RALYL: variants seen among roughly 807,000 people sequenced by gnomAD.
The protein encoded by RALYL is RALY RNA binding protein like.
RALYL carries 29 observed loss-of-function variants against 35.1 expected under a neutral mutation model. The ratio of observed to expected loss-of-function variants is 0.83; its 90% CI spans 0.61 to 1.13. RALYL has a LOEUF of 1.13. Among genes scored for constraint, RALYL ranks in the 50% most tolerant of loss-of-function variants. RALYL has a pLI of 0.00. For missense variants in RALYL, 359 were observed against 360.4 expected, an observed-to-expected ratio of 1.00 and a Z score of 0.03; for synonymous variants, 120 against 127.6, an observed-to-expected ratio of 0.94 and a Z score of 0.40.
chr8:84,650,094 G>A (rs1223548671), intron 2 of RALYL, among the ~76,000 whole-genome samples: 1 of 152,052 alleles, frequency 6.6e-6, no homozygotes, highest in Non-Finnish European at 1.5e-5. Context: ...TCTGTTATTG[G>A]TGTATAAGAG....
intron 4 of RALYL, among the ~76,000 whole-genome samples, chr8:84,847,593 T>A (rs1834937456): frequency 6.6e-6 from 1 of 152,142 alleles, no homozygotes; most frequent in Admixed American, 6.5e-5. Flanking sequence ...TAGGTGGGCT[T>A]TAGCATCCCT....
intron 1 of RALYL, among the ~76,000 whole-genome samples, chr8:84,410,363 G>A (rs191102488): frequency 1.6e-4 from 24 of 151,636 alleles, no homozygotes; most frequent in African/African-American, 5.6e-4. Context: ...CTGTAAAATG[G>A]GATTCATTAT....
chr8:84,190,448 A>G (rs751874235), intron 1 of RALYL, among the ~76,000 whole-genome samples: 2 of 152,248 alleles, frequency 1.3e-5, no homozygotes, highest in Admixed American at 6.5e-5. Flanking sequence ...AATGGGAAAC[A>G]TAAACTATAG....
intron 2 of RALYL, among the ~76,000 whole-genome samples, chr8:84,559,095 CATTTTTTTTAAATTACTGAGTGAT>C (rs2061322322): frequency 1.3e-5 from 2 of 151,838 alleles, no homozygotes; most frequent in South Asian, 2.1e-4. Context: ...CTTCCTCTAA[CATTTTTTTTAAATTACTGAGTGAT>C]ATTTTTTTTA....
chr8:84,679,990 A>C (rs1441177241), intron 2 of RALYL: 2 of 210,812 alleles, frequency 9.5e-6, no homozygotes, highest in African/African-American at 4.6e-5. Context: ...TCCTAATGCT[A>C]TCCCTCCCCA....
intron 2 of RALYL, among the ~76,000 whole-genome samples, chr8:84,683,846 C>T (rs1251281934): frequency 6.6e-6 from 1 of 152,020 alleles, no homozygotes; most frequent in Non-Finnish European, 1.5e-5. Flanking sequence ...GCCACCATGC[C>T]CAGCTTATTC....
rs1239109563 is a variant in RALYL at position 84,854,343 on chromosome 8, T to TA, written c.413+4324dup. Among the ~76,000 whole-genome samples the TA allele has an allele frequency of 2.4e-3, 349 of 143,860 alleles. 1 individual carries two copies. The highest frequency in any genetic ancestry group is 8.4e-3 in the African/African-American group (336 of 39,808). The allele number at this position is 143,860 out of a possible 152,430, so 94.4% of individuals were successfully genotyped here. The stretch of plus-strand genomic sequence containing the variant: ...CCTGGGGACAGAGCGAAACTCCGTC[T>TA]AAAAAAAAGAAAAAGAAAAAGGAAG... On this transcript the variant is annotated intron_variant, in intron 5 of 8. Coordinates refer to ENST00000521268, the MANE Select transcript of RALYL (RefSeq NM_173848.7).
intron 2 of RALYL, among the ~76,000 whole-genome samples, chr8:84,757,168 C>T (rs932437299): frequency 1.3e-5 from 2 of 151,976 alleles, no homozygotes; most frequent in Non-Finnish European, 2.9e-5. Context: ...TTTTTGATAA[C>T]CTATGAATAT....
intron 8 of RALYL, among the ~76,000 whole-genome samples, chr8:84,900,011 A>T (rs925542165): frequency 1.1e-4 from 16 of 152,342 alleles, no homozygotes; most frequent in Non-Finnish European, 2.1e-4. Context: ...TGATCATTAA[A>T]AAACAAGCTT....
At chr8:84,855,214 A>G (rs978640294) in intron 5 of RALYL, among the ~76,000 whole-genome samples, 3 of 152,088 alleles carry the variant, frequency 2.0e-5, no homozygotes, top group Non-Finnish European at 2.9e-5. Context: ...CCCAACCCCA[A>G]CCCTAACCCT....
intron 1 of RALYL, among the ~76,000 whole-genome samples, chr8:84,528,249 A>T (rs1159289146): frequency 1.3e-5 from 2 of 152,128 alleles, no homozygotes; most frequent in Admixed American, 1.3e-4. Flanking sequence ...TACCTTGTTG[A>T]AATTTTAGTT....
At chr8:84,333,303 G>C (rs1847172178) in intron 1 of RALYL, among the ~76,000 whole-genome samples, 1 of 152,086 alleles carries the variant, frequency 6.6e-6, no homozygotes, top group South Asian at 2.1e-4. Context: ...TAAAACACCT[G>C]AGATGCACTA....
At chr8:84,194,187 T>G (rs1814663865) in intron 1 of RALYL, among the ~76,000 whole-genome samples, 1 of 152,146 alleles carries the variant, frequency 6.6e-6, no homozygotes, top group Admixed American at 6.5e-5. Flanking sequence ...AGTTAAGATA[T>G]TGTGAGGTGA....
At chr8:84,613,154 G>C (rs546945187) in intron 2 of RALYL, among the ~76,000 whole-genome samples, 2 of 151,508 alleles carry the variant, frequency 1.3e-5, no homozygotes, top group African/African-American at 4.9e-5. Context: ...ATTTAAGGTA[G>C]GCAGAGTTAT....
chr8:84,521,238 T>A (rs1471965843), intron 1 of RALYL, among the ~76,000 whole-genome samples: 1 of 152,168 alleles, frequency 6.6e-6, no homozygotes, highest in Non-Finnish European at 1.5e-5. Context: ...GACACAGTGA[T>A]AAGGCAGTTA....
chr8:84,440,757 T>C (rs2048243865), intron 1 of RALYL, among the ~76,000 whole-genome samples: 1 of 152,072 alleles, frequency 6.6e-6, no homozygotes, highest in African/African-American at 2.4e-5. Flanking sequence ...TATTCATTCC[T>C]GTTTGAGGGA....
chr8:84,544,336 A>G (rs1271614967), intron 2 of RALYL, among the ~76,000 whole-genome samples: 1 of 151,586 alleles, frequency 6.6e-6, no homozygotes, highest in Non-Finnish European at 1.5e-5. Flanking sequence ...GTAAACTTTT[A>G]TTTTTTTAAA....
intron 2 of RALYL, among the ~76,000 whole-genome samples, chr8:84,529,944 T>A (rs1180377995): frequency 6.6e-6 from 1 of 152,254 alleles, no homozygotes; most frequent in East Asian, 1.9e-4. Context: ...CTTATAGCAT[T>A]TGATCTGAGC....
rs922665749 is a variant in RALYL at position 84,282,013 on chromosome 8, T to C, written c.-24+97589T>C. ...ATGTGCCCTTTCAGTTATCTGAGCA[T>C]GTGAAGTTTGCTGCTGCCTAAAGAA... is the stretch of plus-strand genomic sequence containing the variant. On this transcript the variant is annotated intron_variant, in intron 1 of 8. Transcript: ENST00000521268. 5.3e-5 allele frequency among the ~76,000 whole-genome samples: 8 copies of C among 152,206 alleles called. No homozygotes were observed. In the East Asian group the frequency reaches 1.4e-3, roughly 26 times the overall value.
Sources: allele counts gnomAD v4.1 joint callset (sites outside exome capture counted in the v4.1 genomes callset), GRCh38; gene constraint gnomAD v4.1.1; transcripts MANE v1.5; gene names NCBI Gene and HGNC (gene_info 2026-07-23, HGNC 2026-07-21).